Variants in PTGR1 observed in about 807,000 individuals in gnomAD.
PTGR1 encodes the protein 15-oxoprostaglandin 13-reductase.
A neutral mutation model predicts 37.7 loss-of-function variants in PTGR1; 23 were observed. The ratio of observed to expected loss-of-function variants is 0.61; its 90% CI spans 0.44 to 0.86. The LOEUF is 0.86. Among genes scored for constraint, PTGR1 ranks in the 40% least tolerant of loss-of-function variants. The pLI is 0.00. For synonymous variants in PTGR1, 134 were observed against 140.0 expected, an observed-to-expected ratio of 0.96 and a Z score of 0.30; for missense variants, 351 against 394.3, an observed-to-expected ratio of 0.89 and a Z score of 0.93.
intron 7 of PTGR1, chr9:111,576,279 C>T (rs1829051329): frequency 1.4e-6 from 2 of 1,392,204 alleles, no homozygotes; most frequent in Admixed American, 3.5e-5. Flanking sequence ...TAGTGGATTT[C>T]ATATTTGCAT....
intron 9 of PTGR1, among the ~76,000 whole-genome samples, chr9:111,566,859 TG>T (rs1828583449): frequency 6.6e-6 from 1 of 152,112 alleles, no homozygotes; most frequent in East Asian, 1.9e-4. Flanking sequence ...TGTTAAAAGA[TG>T]ATTAATTGCT....
chr9:111,567,453 G>A (rs1476020323), intron 9 of PTGR1, among the ~76,000 whole-genome samples: 6 of 152,098 alleles, frequency 3.9e-5, no homozygotes, highest in Admixed American at 3.9e-4. Flanking sequence ...CCAAAGTGCT[G>A]GGATTACAAG....
At chr9:111,594,290 G>A (rs771996367) in intron 2 of PTGR1, 23 bp from the exon 3 acceptor site, 8 of 1,608,596 alleles carry the variant, frequency 5.0e-6, no homozygotes, top group Non-Finnish European at 6.8e-6. Flanking sequence ...GCATTCCATA[G>A]GCAATTAGAA....
chr9:111,589,487 A>G, intron 4 of PTGR1: 2 of 446,680 alleles, frequency 4.5e-6, no homozygotes, highest in Non-Finnish European at 5.9e-6. Context: ...GAACTCCTGA[A>G]TTCAAGCAAT....
chr9:111,561,156 A>AGG (rs1564608159), downstream of PTGR1, among the ~76,000 whole-genome samples: 12 of 110,170 alleles, frequency 1.1e-4, no homozygotes, highest in East Asian at 1.2e-3. Context: ...AGGGAGAGAG[A>AGG]GAGAGAGAGA....
chr9:111,594,144 G>A (rs1226655743), intron 3 of PTGR1, 78 bp downstream of exon 3: 2 of 1,365,730 alleles, frequency 1.5e-6, no homozygotes, highest in Admixed American at 3.4e-5. Context: ...TAAGTCAGTT[G>A]GATATTTTAG....
intron 4 of PTGR1, among the ~76,000 whole-genome samples, chr9:111,586,441 G>C (rs1829431128): frequency 1.3e-5 from 2 of 152,126 alleles, no homozygotes; most frequent in Non-Finnish European, 2.9e-5. Flanking sequence ...AGAGGCCTCT[G>C]TCCTGTGGCT....
chr9:111,579,125 C>T (rs913839293), intron 6 of PTGR1, among the ~76,000 whole-genome samples, 174 bp from the exon 7 acceptor site: 6 of 151,486 alleles, frequency 4.0e-5, no homozygotes, highest in African/African-American at 7.3e-5. Context: ...AATCAGTCCC[C>T]GGACCATCCT....
intron 4 of PTGR1, among the ~76,000 whole-genome samples, chr9:111,590,405 C>T (rs1280569944): frequency 1.3e-5 from 2 of 152,084 alleles, no homozygotes; most frequent in African/African-American, 4.8e-5. Context: ...GTTGCCCAGG[C>T]TGGACTGCAG....
intron 9 of PTGR1, among the ~76,000 whole-genome samples, chr9:111,567,861 C>T (rs929092568): frequency 2.0e-5 from 3 of 152,158 alleles, no homozygotes; most frequent in South Asian, 2.1e-4. Context: ...GGCAGAGGAA[C>T]ATAAATTGTG....
intron 7 of PTGR1, among the ~76,000 whole-genome samples, chr9:111,578,017 ATATTCT>A (rs960291488): frequency 6.6e-6 from 1 of 152,050 alleles, no homozygotes; most frequent in African/African-American, 2.4e-5. Flanking sequence ...GGTGATGAAA[ATATTCT>A]TAAACTGGTT....
At chr9:111,586,223 G>GA in intron 4 of PTGR1, 58 bp from the exon 5 acceptor site, 2 of 1,551,096 alleles carry the variant, frequency 1.3e-6, no homozygotes, top group Admixed American at 1.7e-5. Flanking sequence ...CCTTTCAAGG[G>GA]AGTCAGGATG....
chr9:111,583,637 C>A, intron 5 of PTGR1, 48 bp from the exon 6 acceptor site: 1 of 1,433,830 alleles, frequency 7.0e-7, no homozygotes, highest in South Asian at 1.1e-5. Flanking sequence ...TTTCTTTCCT[C>A]TATAACTCAT....
intron 7 of PTGR1, chr9:111,576,374 G>A (rs745896377): frequency 6.2e-7 from 1 of 1,614,062 alleles, no homozygotes; most frequent in Non-Finnish European, 8.5e-7. Flanking sequence ...GACATACATG[G>A]AGCAGTAAAA....
intron 9 of PTGR1, among the ~76,000 whole-genome samples, chr9:111,549,998 T>C (rs1224359791): frequency 6.6e-6 from 1 of 152,216 alleles, no homozygotes; most frequent in African/African-American, 2.4e-5. Flanking sequence ...AATTTTATAA[T>C]GTGGCAACTC....
At chr9:111,564,216 T>C (rs758839430) in intron 9 of PTGR1, 278 of 1,077,688 alleles carry the variant, frequency 2.6e-4, no homozygotes, top group Non-Finnish European at 3.2e-4. Context: ...CATGGATTTA[T>C]AGACAAGATT....
intron 9 of PTGR1, among the ~76,000 whole-genome samples, chr9:111,567,004 C>A (rs1190336665): frequency 6.6e-6 from 1 of 151,542 alleles, no homozygotes; most frequent in Non-Finnish European, 1.5e-5. Context: ...TGGGAGAATC[C>A]CCTGAGCCTG....
chr9:111,587,015 A>G (rs1829453100), intron 4 of PTGR1, among the ~76,000 whole-genome samples: 2 of 151,980 alleles, frequency 1.3e-5, no homozygotes, highest in South Asian at 4.2e-4. Context: ...GGGTTTCACC[A>G]TGTTAGCCAG....
intron 4 of PTGR1, among the ~76,000 whole-genome samples, chr9:111,586,950 T>C (rs1282067050): frequency 6.6e-6 from 1 of 151,782 alleles, no homozygotes; most frequent in Non-Finnish European, 1.5e-5. Context: ...CAGCTGGGAT[T>C]ATAGGCGCCC....
Sources: gnomAD v4.1 joint callset for allele counts (sites outside exome capture counted in the v4.1 genomes callset) on GRCh38, gnomAD v4.1.1 for gene constraint, MANE v1.5 for transcripts, NCBI Gene and HGNC (gene_info 2026-07-23, HGNC 2026-07-21) for gene names.